Variants in PHRF1 observed in about 807,000 individuals in gnomAD.
The protein encoded by PHRF1 is PHD and ring finger domains 1, also known as PHD and RING finger domain-containing protein 1.
In PHRF1, 53 loss-of-function variants were observed where a neutral mutation model predicts 128.9. That is an observed-to-expected ratio of 0.41 (90% CI 0.33 to 0.52). The LOEUF (loss-of-function observed/expected upper bound fraction) is 0.52, where lower values mean the gene tolerates loss of function less well. Among genes scored for constraint, PHRF1 ranks in the 20% least tolerant of loss-of-function variants. The pLI, the probability that PHRF1 is intolerant of heterozygous loss-of-function variation, is 0.21. For synonymous variants in PHRF1, 1,178 were observed against 980.6 expected, an observed-to-expected ratio of 1.20 and a Z score of -3.76; for missense variants, 2,503 against 2,284.5, an observed-to-expected ratio of 1.10 and a Z score of -1.95.
chr11:598,009 G>T (rs1855398068), intron 8 of PHRF1, among the ~76,000 whole-genome samples: 1 of 152,056 alleles, frequency 6.6e-6, no homozygotes, highest in African/African-American at 2.4e-5. Context: ...GTGGGCATGT[G>T]GTGTGTGCCC....
chr11:602,749 G>A (rs1855702161), intron 10 of PHRF1, among the ~76,000 whole-genome samples: 1 of 150,670 alleles, frequency 6.6e-6, no homozygotes, highest in East Asian at 1.9e-4. Flanking sequence ...AATCTTTTTT[G>A]GTTTTGTTTT....
chr11:609,757 C>T (rs1340126253), intron 14 of PHRF1, 37 bp downstream of exon 14: 1 of 1,356,408 alleles, frequency 7.4e-7, no homozygotes, highest in Non-Finnish European at 9.7e-7. Flanking sequence ...GGACAGAGCC[C>T]CCAGTGAGTA....
Position 608,997 on chromosome 11 carries a change from C to T in PHRF1, c.3541C>T (p.Arg1181Cys), listed in dbSNP as rs200687895. 2,600 of 1,603,272 alleles carry T rather than the reference C, an allele frequency of 1.6e-3. 5 individuals carry two copies. The highest frequency in any genetic ancestry group is 1.9e-3 in the Admixed American group (112 of 58,044). ...ACGGGAGCACAGGCGGCCTCGGTCC[C>T]GTGAGAAGTGGCCGCAGACCCGGTC... ...RAREHRRPRS[R>C]EKWPQTRSHS... Residue 1181 changes from arginine to cysteine, a missense_variant, in exon 14 of 18, where the codon CGT becomes TGT. Arg to Cys is a radical substitution (Grantham distance 180). Coordinates refer to ENST00000264555, the MANE Select transcript of PHRF1 (RefSeq NM_001286581.2).
At position 610,370 on chromosome 11, in the gene PHRF1, TGTGGGCC is replaced by T. The variant is rs1361794772; in HGVS notation, c.4416+30_4416+36del. ...CAGGTGGGTGTCTGGGCTGGAGGGC[TGTGGGCC>T]GTGGGCAGTGGCCTGGCACCCGTGC... On this transcript the variant is annotated intron_variant, in intron 15 of 17. Transcript: ENST00000264555. 5.8e-6 allele frequency: 9 copies of T among 1,545,866 alleles called. No individual in the cohort carries two copies. The Admixed American group carries it at 1.3e-4, about 23-fold the overall frequency.
In PHRF1 at chr11:591,481, C is replaced by G. The variant is rs775540972; in HGVS notation, c.504+14C>G. On this transcript the variant is annotated intron_variant, in intron 5 of 17. Transcript: ENST00000264555. ...ATCTTAAGAAAGGTGAGTGTGGACG[C>G]TGCCGTGGAGGCCCCAGCCGTGCTT... The G allele has an allele frequency of 9.4e-6, 15 of 1,596,610 alleles. No homozygotes were observed. Among genetic ancestry groups the G allele is most frequent in the Middle Eastern group, 1.7e-4 (1 of 6,060 alleles).
Position 582,078 on chromosome 11 carries a change from TCTGGTGAGACAG to T in PHRF1, c.214+4_214+15del. ...TGAGGAGGAAGACCTGGAAGACAGA[TCTGGTGAGACAG>T]CTGGTGTTCACGCCGGCTCCTGTGT... On this transcript the variant is annotated splice_donor_variant and splice_donor_5th_base_variant and coding_sequence_variant and intron_variant, in exon 3 of 18. Coordinates refer to ENST00000264555, the MANE Select transcript of PHRF1 (RefSeq NM_001286581.2). LOFTEE classifies it high-confidence loss of function. 6.3e-7 allele frequency: 1 copy of T among 1,591,784 alleles called. No homozygotes were observed. The highest frequency in any genetic ancestry group is 1.3e-5 in the African/African-American group (1 of 74,660).
At chr11:586,060 C>T (rs1013263902) in intron 3 of PHRF1, among the ~76,000 whole-genome samples, 30 of 151,840 alleles carry the variant, frequency 2.0e-4, no homozygotes, top group Non-Finnish European at 3.1e-4. Context: ...GGGGTTTCAC[C>T]ATGTTGGCCA....
intron 10 of PHRF1, among the ~76,000 whole-genome samples, chr11:602,038 GC>G (rs1855655337): frequency 6.6e-6 from 1 of 152,156 alleles, no homozygotes; most frequent in African/African-American, 2.4e-5. Flanking sequence ...TCTGGCAGAG[GC>G]CCCCAGGAGC....
intron 6 of PHRF1, among the ~76,000 whole-genome samples, chr11:596,338 A>G (rs1855275732): frequency 6.6e-6 from 1 of 152,166 alleles, no homozygotes; most frequent in Admixed American, 6.5e-5. Flanking sequence ...ATTAAAACAT[A>G]GTTTCCTTTC....
rs182144037 is a variant in PHRF1, at chr11:598,481, G to A, written c.1003G>A (p.Ala335Thr). The change falls in exon 9 of 18, where the codon GCC (alanine) becomes ACC (threonine). Residue 335 changes from alanine to threonine, a missense_variant. Coordinates refer to ENST00000264555, the MANE Select transcript of PHRF1 (RefSeq NM_001286581.2). ...YQRPLTPRTP[A>T]RRKRKTRRRK... The stretch of plus-strand genomic sequence containing the variant: ...GCGCCCCCTGACGCCGCGCACTCCC[G>A]CCCGACGGAAGAGGAAGACAAGTAA... 1.2e-5 allele frequency: 19 copies of A among 1,609,318 alleles called. No individual in the cohort carries two copies. The highest frequency in any genetic ancestry group is 4.0e-5 in the African/African-American group (3 of 74,898).
intron 3 of PHRF1, among the ~76,000 whole-genome samples, chr11:583,094 A>C (rs538674936): frequency 6.6e-6 from 1 of 151,306 alleles, no homozygotes; most frequent in Non-Finnish European, 1.5e-5. Context: ...TAATCCCAGC[A>C]CTTTGGGAGG....
chr11:585,658 T>A (rs61877836), intron 3 of PHRF1, among the ~76,000 whole-genome samples: 7,232 of 11,734 alleles, frequency 0.62, 3,266 homozygotes, highest in Middle Eastern at 0.92. Flanking sequence ...CCTTTCCAGC[T>A]TGAGGTAGTA....
At position 608,764 on chromosome 11, in the gene PHRF1, A is replaced by T; in HGVS notation, c.3308A>T (p.His1103Leu). The T allele has an allele frequency of 1.2e-6, 2 of 1,611,726 alleles. No homozygotes were observed. The highest frequency in any genetic ancestry group is 1.7e-6 in the Non-Finnish European group (2 of 1,179,604). The change falls in exon 14 of 18, where the codon CAC becomes CTC. Residue 1103 changes from histidine (H) to leucine (L), a missense_variant. Coordinates refer to ENST00000264555, the MANE Select transcript of PHRF1 (RefSeq NM_001286581.2). Reference sequence around the variant, plus strand: ...AGCCCTGGCAGCTCTTCCTATGAGCACTATGAGAGTAGGAAGAAGAAGAAA... The same window carrying T: ...AGCCCTGGCAGCTCTTCCTATGAGCTCTATGAGAGTAGGAAGAAGAAGAAA... ...SGSPGSSSYE[H>L]YESRKKKKRR...
intron 1 of PHRF1, among the ~76,000 whole-genome samples, chr11:580,309 G>A (rs61170993): frequency 0.039 from 5,975 of 152,304 alleles, 401 homozygotes; most frequent in African/African-American, 0.14. Context: ...GGAAGGAGGA[G>A]CGTGTCCAAC....
chr11:605,553 T>C, intron 11 of PHRF1, 52 bp from the exon 12 acceptor site: 2 of 1,598,808 alleles, frequency 1.3e-6, no homozygotes, highest in South Asian at 2.2e-5. Context: ...GGGCTGGGGT[T>C]TCTGGGAGCT....
Position 609,570 on chromosome 11 carries a change from C to A in PHRF1, c.4114C>A (p.Pro1372Thr). ...DVAPAGKEDSPSASGRVQEAA... is the reference protein window; with the variant it reads ...DVAPAGKEDSTSASGRVQEAA... The stretch of plus-strand genomic sequence containing the variant: ...GGCGCCTGCGGGGAAGGAAGACAGC[C>A]CCTCTGCGAGTGGGAGGGTACAGGA... The change falls in exon 14 of 18, where the codon CCC becomes ACC. Residue 1372 changes from proline (P) to threonine (T), a missense_variant. Physicochemically the swap from Pro to Thr is conservative, Grantham distance 38. Coordinates refer to ENST00000264555, the MANE Select transcript of PHRF1 (RefSeq NM_001286581.2). The A allele has an allele frequency of 6.3e-7, 1 of 1,599,040 alleles. No individual in the cohort carries two copies. The highest frequency in any genetic ancestry group is 8.5e-7 in the Non-Finnish European group (1 of 1,174,536).
intron 2 of PHRF1, 47 bp from the exon 3 acceptor site, chr11:581,915 A>T: frequency 6.5e-7 from 1 of 1,528,760 alleles, no homozygotes; most frequent in Non-Finnish European, 8.8e-7. Flanking sequence ...TCTCTGCTGC[A>T]TGGTCTTGAC....
chr11:592,299 T>TG (rs1855018532), intron 5 of PHRF1, among the ~76,000 whole-genome samples: 1 of 152,044 alleles, frequency 6.6e-6, no homozygotes, highest in Non-Finnish European at 1.5e-5. Context: ...CGGCCCACTT[T>TG]GGGGCCGCAG....
At chr11:576,910 G>T (rs924185039) in intron 1 of PHRF1, among the ~76,000 whole-genome samples, 1 of 149,862 alleles carries the variant, frequency 6.7e-6, no homozygotes, top group African/African-American at 2.5e-5. Context: ...GGGAGGCCCC[G>T]CCGAGACTGG....
Sources: allele counts gnomAD v4.1 joint callset (sites outside exome capture counted in the v4.1 genomes callset), GRCh38; gene constraint gnomAD v4.1.1; transcripts MANE v1.5; gene names NCBI Gene and HGNC (gene_info 2026-07-23, HGNC 2026-07-21).